ZP3: variants seen among roughly 807,000 people sequenced by gnomAD.
ZP3 encodes the protein zona pellucida sperm-binding protein 3.
ZP3 carries 21 observed loss-of-function variants against 35.6 expected under a neutral mutation model. The observed-to-expected ratio is 0.59, with a 90% CI of 0.42 to 0.85. ZP3 has a LOEUF of 0.85. Ranked by LOEUF, ZP3 falls within the 40% of genes least tolerant of loss-of-function variation. The probability of loss-of-function intolerance (pLI) is 0.00; values close to 1 mark genes in which losing one functional copy is unlikely to be tolerated. For missense variants in ZP3, 437 were observed against 536.5 expected (o/e 0.81, Z 1.83); for synonymous variants, 207 against 214.5 (o/e 0.96, Z 0.31).
chr7:76,397,522 G>A (rs1804674277), exon 1 of ZP3: 1 of 1,550,934 alleles, frequency 6.4e-7, no homozygotes, highest in Non-Finnish European at 8.7e-7. Context: ...CCGCACCTGC[G>A]CAGAGCGCGC....
chr7:76,418,499 C>T (rs1421615265), intron 1 of ZP3, among the ~76,000 whole-genome samples: 1 of 133,148 alleles, frequency 7.5e-6, no homozygotes, highest in African/African-American at 2.9e-5. Context: ...TGCAGTGAGC[C>T]AGGATAGCAC....
chr7:76,436,560 C>G (rs1251394436), intron 5 of ZP3, among the ~76,000 whole-genome samples: 1 of 152,180 alleles, frequency 6.6e-6, no homozygotes, highest in East Asian at 1.9e-4. Context: ...CAGCAGCTGC[C>G]TTGTGGGAAG....
chr7:76,432,921 T>A lies in ZP3; in HGVS notation c.432-6T>A, dbSNP rs1335725227. 1.2e-6 allele frequency: 2 copies of A among 1,613,408 alleles called. No individual in the cohort carries two copies. Among genetic ancestry groups the A allele is most frequent in the Non-Finnish European group, 1.7e-6 (2 of 1,179,734 alleles). ...CAGGTGTGCACAGCTGCTGTTCTTC[T>A]CTCAGGCAGGGCAATGTGAGCAGCC... On this transcript the variant is annotated splice_polypyrimidine_tract_variant and splice_region_variant and intron_variant, in intron 2 of 7. Coordinates refer to ENST00000394857, the MANE Select transcript of ZP3 (RefSeq NM_001110354.2).
intron 1 of ZP3, among the ~76,000 whole-genome samples, chr7:76,428,064 C>T (rs902041959): frequency 6.6e-6 from 1 of 151,680 alleles, no homozygotes; most frequent in African/African-American, 2.4e-5. Context: ...TGGTGGCTCA[C>T]ACCTGTAATC....
At chr7:76,405,327 C>T (rs926741250) in intron 1 of ZP3, among the ~76,000 whole-genome samples, 338 of 20,484 alleles carry the variant, frequency 0.017, no homozygotes, top group Middle Eastern at 0.036. Context: ...GTATTTTTTT[C>T]TTTCTTTCTT....
chr7:76,416,885 C>CATATATACACACATATAT (rs1805385136), intron 1 of ZP3, among the ~76,000 whole-genome samples: 1 of 139,746 alleles, frequency 7.2e-6, no homozygotes, highest in African/African-American at 3.0e-5. Context: ...TACACACATA[C>CATATATACACACATATAT]ATATATATAC....
intron 5 of ZP3, among the ~76,000 whole-genome samples, chr7:76,436,947 G>GC (rs1229583238): frequency 2.6e-5 from 4 of 152,066 alleles, no homozygotes; most frequent in Admixed American, 2.0e-4. Flanking sequence ...CCCTTGGAGG[G>GC]CCCCCCTTCA....
chr7:76,432,936 T>A lies in ZP3; in HGVS notation c.441T>A (p.Asn147Lys), dbSNP rs377382354. The A allele has an allele frequency of 6.2e-7, 1 of 1,613,804 alleles. No homozygotes were observed. Among genetic ancestry groups the A allele is most frequent in the African/African-American group, 1.3e-5 (1 of 74,900 alleles). The change falls in exon 3 of 8, where the codon AAT (asparagine) becomes AAA (lysine). Residue 147 changes from asparagine (N) to lysine (K), a missense_variant. Around this residue, in one of 6 missense-constraint regions of ZP3, gnomAD observed 352 missense variants for 308.4 expected, o/e 1.14. Transcript: ENST00000394857. ...GCTGTTCTTCTCTCAGGCAGGGCAATGTGAGCAGCCAGGCCATCCTGCCCA... is the reference window on the plus strand; with the variant it reads ...GCTGTTCTTCTCTCAGGCAGGGCAAAGTGAGCAGCCAGGCCATCCTGCCCA... ...PIECRYPRQG[N>K]VSSQAILPTW...
chr7:76,397,834 T>C, intron 1 of ZP3: 1 of 1,558,220 alleles, frequency 6.4e-7, no homozygotes, highest in Non-Finnish European at 8.7e-7. Context: ...TGCCCTCACC[T>C]GGGGATGGGG....
chr7:76,425,262 G>A lies in ZP3; in HGVS notation c.298G>A (p.Gly100Ser). 6.2e-7 allele frequency: 1 copy of A among 1,607,606 alleles called. No individual in the cohort carries two copies. The highest frequency in any genetic ancestry group is 8.5e-7 in the Non-Finnish European group (1 of 1,176,088). Reference protein sequence around the residue: ...VRFEVGLHECGNSMQVTDDAL... With the variant: ...VRFEVGLHECSNSMQVTDDAL... ...GTTTGAGGTTGGACTCCACGAGTGT[G>A]GCAACAGCATGCAGGTAAGAGAGGC... The change falls in exon 1 of 8, where the codon GGC becomes AGC. Residue 100 changes from glycine to serine, a missense_variant. By Grantham distance (56) the Gly-to-Ser change is moderately conservative (BLOSUM62 0). Coordinates refer to ENST00000394857, the MANE Select transcript of ZP3 (RefSeq NM_001110354.2).
intron 7 of ZP3, among the ~76,000 whole-genome samples, chr7:76,441,551 GTTAAC>G (rs1232439299): frequency 6.6e-6 from 1 of 151,704 alleles, no homozygotes; most frequent in Admixed American, 6.6e-5. Flanking sequence ...ACCATGCCCA[GTTAAC>G]TTTTTTATTT....
chr7:76,432,349 C>T (rs551744029), intron 2 of ZP3, among the ~76,000 whole-genome samples: 9 of 152,026 alleles, frequency 5.9e-5, no homozygotes, highest in South Asian at 2.1e-4. Context: ...CCACCATGCC[C>T]GGATAATTTT....
At chr7:76,412,578 A>G (rs897743821) in intron 1 of ZP3, among the ~76,000 whole-genome samples, 1 of 152,228 alleles carries the variant, frequency 6.6e-6, no homozygotes, top group Non-Finnish European at 1.5e-5. Context: ...TGCTGGGCGC[A>G]GTGGCTCACG....
chr7:76,422,678 C>CA (rs762988192), upstream of ZP3, among the ~76,000 whole-genome samples: 4,479 of 96,960 alleles, frequency 0.046, 131 homozygotes, highest in East Asian at 0.15. Context: ...GATTCCGTCT[C>CA]AAAAAAAAAA....
At chr7:76,428,226 G>T (rs1563698614) in intron 1 of ZP3, among the ~76,000 whole-genome samples, 1 of 151,808 alleles carries the variant, frequency 6.6e-6, no homozygotes, top group Non-Finnish European at 1.5e-5. Flanking sequence ...AGAGGCTGAA[G>T]CAGAGAATTG....
At chr7:76,412,515 A>T (rs1805273434) in intron 1 of ZP3, among the ~76,000 whole-genome samples, 1 of 152,220 alleles carries the variant, frequency 6.6e-6, no homozygotes, top group Non-Finnish European at 1.5e-5. Context: ...CACACCTTGT[A>T]TCATGTCATG....
At chr7:76,399,640 A>C (rs1264080525) in intron 1 of ZP3, among the ~76,000 whole-genome samples, 1 of 151,766 alleles carries the variant, frequency 6.6e-6, no homozygotes, top group East Asian at 1.9e-4. Flanking sequence ...GACTCCAGCG[A>C]TCCTCCCTCC....
intron 1 of ZP3, among the ~76,000 whole-genome samples, chr7:76,425,869 G>A (rs1805634889): frequency 6.6e-6 from 1 of 152,096 alleles, no homozygotes; most frequent in Non-Finnish European, 1.5e-5. Flanking sequence ...ACTTTGGGAG[G>A]CTGAGGAGTT....
chr7:76,424,997 C>T lies in ZP3; in HGVS notation c.33C>T (p.Leu11=), dbSNP rs148715886. 1.8e-5 allele frequency: 28 copies of T among 1,557,920 alleles called. No individual in the cohort carries two copies. The African/African-American group carries it at 3.5e-4, about 20-fold the overall frequency. Residue 11 remains leucine, a synonymous_variant, in exon 1 of 8, where the codon CTC becomes CTT. Coordinates refer to ENST00000394857, the MANE Select transcript of ZP3 (RefSeq NM_001110354.2). ...TGAGCTATAGGCTCTTCATCTGCCT[C>T]CTGCTCTGGGGTAGTACTGAGCTGT... The part of the protein sequence containing the change: MELSYRLFIC[L]LLWGSTELCY...
Sources: gnomAD v4.1 joint callset for allele counts (sites outside exome capture counted in the v4.1 genomes callset) on GRCh38, gnomAD v4.1.1 for gene constraint, gnomAD v4.1.1 regional missense constraint, MANE v1.5 for transcripts, NCBI Gene and HGNC (gene_info 2026-07-23, HGNC 2026-07-21) for gene names.